CNTN5: variants seen among roughly 807,000 people sequenced by gnomAD.
CNTN5 encodes contactin 5.
Under a neutral mutation model 129.1 loss-of-function variants are expected in CNTN5, and 77 were observed. The ratio of observed to expected loss-of-function variants is 0.60; its 90% confidence interval spans 0.50 to 0.72. CNTN5 has a LOEUF of 0.72. Among genes scored for constraint, CNTN5 ranks in the 30% least tolerant of loss-of-function variants. The probability of loss-of-function intolerance (pLI) is 0.00; values close to 1 mark genes in which losing one functional copy is unlikely to be tolerated. For synonymous variants in CNTN5, 509 were observed against 465.6 expected, an observed-to-expected ratio of 1.09 and a Z score of -1.20; for missense variants, 1,478 against 1,328.8, an observed-to-expected ratio of 1.11 and a Z score of -1.75.
intron 1 of CNTN5, among the ~76,000 whole-genome samples, chr11:99,279,893 G>A (rs1301121215): frequency 6.6e-6 from 1 of 151,510 alleles, no homozygotes; most frequent in East Asian, 2.0e-4. Context: ...ACAGAGGGTG[G>A]GTTTGGTGTT....
At chr11:99,406,080 T>C (rs1418990476) in intron 2 of CNTN5, among the ~76,000 whole-genome samples, 1 of 152,026 alleles carries the variant, frequency 6.6e-6, no homozygotes, top group African/African-American at 2.4e-5. Flanking sequence ...GGTGAGGTTA[T>C]GTTTTCCTGG....
At chr11:100,224,416 A>G (rs1565353674) in intron 15 of CNTN5, among the ~76,000 whole-genome samples, 1 of 152,180 alleles carries the variant, frequency 6.6e-6, no homozygotes, top group African/African-American at 2.4e-5. Flanking sequence ...ATACTTTTAA[A>G]TATATGAGTT....
chr11:100,174,041 A>G (rs951635605), intron 13 of CNTN5, among the ~76,000 whole-genome samples: 1 of 152,126 alleles, frequency 6.6e-6, no homozygotes, highest in Non-Finnish European at 1.5e-5. Context: ...CTTTACCTTT[A>G]TAACAACTGA....
chr11:100,341,781 G>T (rs1220941641), intron 23 of CNTN5, among the ~76,000 whole-genome samples: 1 of 152,038 alleles, frequency 6.6e-6, no homozygotes, highest in Non-Finnish European at 1.5e-5. Context: ...TTTGTTATCT[G>T]ATTTTTAAAT....
intron 21 of CNTN5, among the ~76,000 whole-genome samples, chr11:100,311,625 G>A (rs1376623670): frequency 6.6e-6 from 1 of 151,978 alleles, no homozygotes; most frequent in African/African-American, 2.4e-5. Flanking sequence ...GGGTCTGGCT[G>A]AAGAAACTAA....
chr11:99,357,959 G>A (rs11219583), intron 2 of CNTN5, among the ~76,000 whole-genome samples: 4,724 of 150,346 alleles, frequency 0.031, 253 homozygotes, highest in African/African-American at 0.11. Flanking sequence ...AGCCGAGGTC[G>A]CGCCACTGCA....
At chr11:100,023,842 AT>A (rs149330687) in intron 9 of CNTN5, among the ~76,000 whole-genome samples, 1,635 of 150,470 alleles carry the variant, frequency 0.011, 30 homozygotes, top group African/African-American at 0.031. Context: ...TTGATAGCTA[AT>A]TTTTTTTTTA....
intron 3 of CNTN5, among the ~76,000 whole-genome samples, chr11:99,722,924 C>T (rs942106380): frequency 6.6e-6 from 1 of 152,018 alleles, no homozygotes; most frequent in African/African-American, 2.4e-5. Flanking sequence ...CTCTCATTTC[C>T]TCAGACACTT....
chr11:100,031,434 G>T (rs1195111009), intron 9 of CNTN5, among the ~76,000 whole-genome samples: 1 of 152,146 alleles, frequency 6.6e-6, no homozygotes, highest in African/African-American at 2.4e-5. Context: ...ATCTGGGAAT[G>T]GAATGCGACC....
chr11:100,062,270 A>G (rs1295557059), intron 10 of CNTN5, among the ~76,000 whole-genome samples: 3 of 152,200 alleles, frequency 2.0e-5, no homozygotes, highest in Non-Finnish European at 4.4e-5. Flanking sequence ...TTCCTCCAGG[A>G]AACCATGACT....
At chr11:100,269,769 C>A (rs1950373876) in intron 17 of CNTN5, among the ~76,000 whole-genome samples, 1 of 152,082 alleles carries the variant, frequency 6.6e-6, no homozygotes, top group Non-Finnish European at 1.5e-5. Flanking sequence ...AATAAAAGGG[C>A]TGAGCATGGT....
chr11:99,620,945 TAATAA>T (rs1950929730), intron 3 of CNTN5, among the ~76,000 whole-genome samples: 1 of 151,498 alleles, frequency 6.6e-6, no homozygotes, highest in African/African-American at 2.4e-5. Flanking sequence ...TTACATTTTC[TAATAA>T]AATAATTCAA....
intron 1 of CNTN5, among the ~76,000 whole-genome samples, chr11:99,144,623 T>C (rs1375517355): frequency 6.6e-6 from 1 of 152,238 alleles, no homozygotes; most frequent in Non-Finnish European, 1.5e-5. Flanking sequence ...TTCCTTTGAT[T>C]ATTTTTTTAA....
chr11:99,744,376 C>T (rs187316713), intron 3 of CNTN5, among the ~76,000 whole-genome samples: 24 of 151,630 alleles, frequency 1.6e-4, no homozygotes, highest in Non-Finnish European at 2.9e-4. Context: ...CTCTTAAGGA[C>T]GTAAGACACC....
chr11:100,219,477 C>T (rs947371440), intron 15 of CNTN5, among the ~76,000 whole-genome samples: 2 of 152,166 alleles, frequency 1.3e-5, no homozygotes, highest in Admixed American at 6.5e-5. Context: ...TAGATTAATA[C>T]AGAAATGCTA....
At chr11:99,259,454 C>A (rs1862529938) in intron 1 of CNTN5, among the ~76,000 whole-genome samples, 1 of 151,836 alleles carries the variant, frequency 6.6e-6, no homozygotes, top group Non-Finnish European at 1.5e-5. Context: ...TACTCAATGA[C>A]ATTTATCTGC....
chr11:99,754,879 A>G (rs1364953789), intron 3 of CNTN5, among the ~76,000 whole-genome samples: 3 of 152,188 alleles, frequency 2.0e-5, no homozygotes, highest in African/African-American at 4.8e-5. Flanking sequence ...CATGCAGAGT[A>G]GTTTTAATGC....
chr11:99,128,183 C>A (rs1168493061), intron 1 of CNTN5, among the ~76,000 whole-genome samples: 1 of 152,150 alleles, frequency 6.6e-6, no homozygotes, highest in African/African-American at 2.4e-5. Flanking sequence ...AAGCTGAGAC[C>A]CACTGGGTTG....
chr11:100,087,186 A>G (rs1368419930), intron 13 of CNTN5, among the ~76,000 whole-genome samples: 3 of 151,734 alleles, frequency 2.0e-5, no homozygotes, highest in African/African-American at 2.4e-5. Context: ...GATGCCATAA[A>G]CAGATAAAAA....
Sources: allele counts gnomAD v4.1 joint callset (sites outside exome capture counted in the v4.1 genomes callset), GRCh38; gene constraint gnomAD v4.1.1; transcripts MANE v1.5; gene names NCBI Gene and HGNC (gene_info 2026-07-23, HGNC 2026-07-21).